The following ANK2 variants were observed in gnomAD, a reference collection of about 807,000 sequenced individuals.
The protein encoded by ANK2 is ankyrin 2, also known as ankyrin-2.
Under a neutral mutation model 360.5 loss-of-function variants are expected in ANK2, and 83 were observed. That is an observed-to-expected ratio of 0.23 (90% confidence interval 0.19 to 0.28). ANK2 has a LOEUF of 0.28. Ranked by LOEUF, ANK2 falls within the 10% of genes least tolerant of loss-of-function variation. The pLI, the probability that ANK2 is intolerant of heterozygous loss-of-function variation, is 1.00. For missense variants in ANK2, 4,201 were observed against 4,795.7 expected (o/e 0.88, Z 3.66); for synonymous variants, 1,740 against 1,759.5 (o/e 0.99, Z 0.28).
chr4:112,707,947 A>G, the ANK2 span, among the ~76,000 whole-genome samples: 1 of 152,198 alleles, frequency 6.6e-6, no homozygotes, highest in Non-Finnish European at 1.5e-5. Context: ...TCAGGCTTTC[A>G]TTTATATGAC....
intron 7 of ANK2, among the ~76,000 whole-genome samples, chr4:113,238,135 T>G (rs2099398267): frequency 6.6e-6 from 1 of 152,194 alleles, no homozygotes; most frequent in Admixed American, 6.5e-5. Context: ...CTTGTAAGTC[T>G]TAAAATACTT....
At chr4:112,726,346 G>A in the ANK2 span, among the ~76,000 whole-genome samples, 1 of 152,096 alleles carries the variant, frequency 6.6e-6, no homozygotes, top group East Asian at 1.9e-4. Flanking sequence ...TGTAATTGTA[G>A]ACATAGTGTC....
Position 113,232,274 on chromosome 4 carries a change from C to T in ANK2, c.483+15C>T, listed in dbSNP as rs2099316979. 5 of 1,531,916 alleles carry T rather than the reference C, an allele frequency of 3.3e-6. No homozygotes were observed. The highest frequency in any genetic ancestry group is 4.5e-6 in the Non-Finnish European group (5 of 1,106,072). The allele number at this position is 1,531,916 out of a possible 1,614,324, so 94.9% of individuals were successfully genotyped here. On this transcript the variant is annotated intron_variant, in intron 5 of 45. Coordinates refer to ENST00000357077, the MANE Select transcript of ANK2 (RefSeq NM_001148.6). The stretch of plus-strand genomic sequence containing the variant: ...CTGCTACAGAGGTAAGACTGTCAGC[C>T]CTAAAGCCTTGAATTCTTTGATCTT...
At chr4:112,786,459 G>A in the ANK2 span, among the ~76,000 whole-genome samples, 13 of 145,222 alleles carry the variant, frequency 9.0e-5, no homozygotes, top group Non-Finnish European at 1.3e-4. Context: ...GTGCAGTAGC[G>A]TGATCTCGGC....
rs1264270390 is a variant in ANK2 at position 113,237,583 on chromosome 4, A to T, written c.670-16A>T. The T allele has an allele frequency of 6.2e-7, 1 of 1,606,794 alleles. No individual in the cohort carries two copies. Among genetic ancestry groups the T allele is most frequent in the Non-Finnish European group, 8.5e-7 (1 of 1,173,422 alleles). The stretch of plus-strand genomic sequence containing the variant: ...TGTAATATCTTCCCTCTTTCTTCCA[A>T]ACAACACTGCTTCAGATGATGGTGA... On this transcript the variant is annotated splice_polypyrimidine_tract_variant and intron_variant, in intron 6 of 45. Coordinates refer to ENST00000357077, the MANE Select transcript of ANK2 (RefSeq NM_001148.6).
chr4:113,378,794 G>C (rs1380760347), intron 45 of ANK2, among the ~76,000 whole-genome samples: 1 of 152,146 alleles, frequency 6.6e-6, no homozygotes, highest in African/African-American at 2.4e-5. Flanking sequence ...AGGCACACTG[G>C]TCTGCCCAGG....
chr4:113,083,690 A>T (rs534846286), intron 1 of ANK2, among the ~76,000 whole-genome samples: 28 of 152,228 alleles, frequency 1.8e-4, no homozygotes, highest in Non-Finnish European at 2.9e-4. Context: ...ACATAGATGC[A>T]TTCATTTATA....
chr4:113,080,427 A>G (rs901747759), intron 1 of ANK2, among the ~76,000 whole-genome samples: 2 of 152,286 alleles, frequency 1.3e-5, no homozygotes, highest in African/African-American at 4.8e-5. Context: ...TCATTTCACA[A>G]CCTGTATTTT....
chr4:112,912,073 A>G (rs904558719), intron 2 of ANK2, among the ~76,000 whole-genome samples: 2 of 151,782 alleles, frequency 1.3e-5, no homozygotes, highest in Non-Finnish European at 2.9e-5. Flanking sequence ...GCTACTCGGG[A>G]GGCTGAGGCA....
chr4:113,292,412 A>G lies in ANK2; in HGVS notation c.2278-4A>G. 6.2e-7 allele frequency: 1 copy of G among 1,608,746 alleles called. No individual in the cohort carries two copies. The highest frequency in any genetic ancestry group is 8.5e-7 in the Non-Finnish European group (1 of 1,177,454). Reference sequence around the variant, plus strand: ...GCTGGGCCCGCCACCACTGTCCTCCACAGAACGGCTACACGCCTTTGCACC... The same window carrying G: ...GCTGGGCCCGCCACCACTGTCCTCCGCAGAACGGCTACACGCCTTTGCACC... On this transcript the variant is annotated splice_region_variant and splice_polypyrimidine_tract_variant and intron_variant, in intron 20 of 45. Coordinates refer to ENST00000357077, the MANE Select transcript of ANK2 (RefSeq NM_001148.6).
At chr4:112,737,794 A>T in the ANK2 span, among the ~76,000 whole-genome samples, 1 of 152,152 alleles carries the variant, frequency 6.6e-6, no homozygotes, top group Admixed American at 6.6e-5. Flanking sequence ...TATGTATGTT[A>T]GGATTTTCTT....
chr4:112,749,971 C>T, the ANK2 span, among the ~76,000 whole-genome samples: 4 of 152,142 alleles, frequency 2.6e-5, no homozygotes, highest in Non-Finnish European at 5.9e-5. Flanking sequence ...GTCTCGATCT[C>T]CTGACCCCGT....
At position 113,363,348 on chromosome 4, in the gene ANK2, A is replaced by G. The variant is rs1213942781; in HGVS notation, c.10767A>G (p.Arg3589=). Residue 3589 remains arginine (R), a synonymous_variant, in exon 40 of 46, where the codon AGA becomes AGG. Transcript: ENST00000357077. ...TATTTTATCTTCTAGAATTAGCAAG[A>G]GAACTGGATTTCACTGAGGAGCAAA... ...HLGFSWTELA[R]ELDFTEEQIH... The G allele has an allele frequency of 6.2e-7, 1 of 1,613,098 alleles. No homozygotes were observed. The highest frequency in any genetic ancestry group is 8.5e-7 in the Non-Finnish European group (1 of 1,179,518).
chr4:113,135,443 G>C (rs565949436), intron 1 of ANK2, among the ~76,000 whole-genome samples: 72 of 152,130 alleles, frequency 4.7e-4, no homozygotes, highest in African/African-American at 1.7e-3. Context: ...GGTGGAAAGA[G>C]TGGAATGAAA....
the ANK2 span, among the ~76,000 whole-genome samples, chr4:112,721,957 A>G: frequency 3.3e-5 from 5 of 152,230 alleles, no homozygotes; most frequent in Non-Finnish European, 7.3e-5. Context: ...CATATCTCAC[A>G]AGCATTATTA....
chr4:113,047,512 G>A (rs1189751857), upstream of ANK2, among the ~76,000 whole-genome samples: 5 of 152,144 alleles, frequency 3.3e-5, no homozygotes, highest in Non-Finnish European at 4.4e-5. Flanking sequence ...TCCCAAGAAA[G>A]GTCAAGAAAG....
At chr4:112,917,801 T>A (rs1221871411) in intron 2 of ANK2, among the ~76,000 whole-genome samples, 6 of 152,210 alleles carry the variant, frequency 3.9e-5, no homozygotes, top group Non-Finnish European at 8.8e-5. Flanking sequence ...TTAGAATAGT[T>A]GTGCCAAATT....
At chr4:113,203,870 T>C (rs1009465439) in intron 4 of ANK2, among the ~76,000 whole-genome samples, 5 of 152,182 alleles carry the variant, frequency 3.3e-5, no homozygotes, top group Non-Finnish European at 7.4e-5. Flanking sequence ...ATTTTTAAAA[T>C]TCCTTTTTCT....
At chr4:112,735,699 AC>A in the ANK2 span, among the ~76,000 whole-genome samples, 4 of 152,186 alleles carry the variant, frequency 2.6e-5, no homozygotes, top group Admixed American at 6.5e-5. Context: ...TGGTAAAAAA[AC>A]ATATAGAATT....
Sources: gnomAD v4.1 joint callset for allele counts (sites outside exome capture counted in the v4.1 genomes callset) on GRCh38, gnomAD v4.1.1 for gene constraint, MANE v1.5 for transcripts, NCBI Gene and HGNC (gene_info 2026-07-23, HGNC 2026-07-21) for gene names.